The following TMEM167A variants were observed in gnomAD, a reference collection of about 807,000 sequenced individuals.
TMEM167A encodes protein kish-A.
In TMEM167A, 8 loss-of-function variants were observed where a neutral mutation model predicts 11.6. That is an observed-to-expected ratio of 0.69 (90% CI 0.40 to 1.24). The LOEUF (loss-of-function observed/expected upper bound fraction) is 1.24, where lower values mean the gene tolerates loss of function less well. Among genes scored for constraint, TMEM167A ranks in the 50% most tolerant of loss-of-function variants. The probability of loss-of-function intolerance (pLI) is 0.01; values close to 1 mark genes in which losing one functional copy is unlikely to be tolerated. For synonymous variants in TMEM167A, 22 were observed against 28.0 expected, an observed-to-expected ratio of 0.79 and a Z score of 0.67; for missense variants, 62 against 87.0, an observed-to-expected ratio of 0.71 and a Z score of 1.14.
intron 1 of TMEM167A, among the ~76,000 whole-genome samples, chr5:83,069,520 T>G (rs1024266104): frequency 2.0e-5 from 3 of 152,124 alleles, no homozygotes; most frequent in African/African-American, 7.2e-5. Flanking sequence ...TTTTCCAAGG[T>G]ACTCTATTGA....
At chr5:83,065,623 A>T (rs1744470840) in intron 1 of TMEM167A, among the ~76,000 whole-genome samples, 3 of 152,136 alleles carry the variant, frequency 2.0e-5, no homozygotes, top group Admixed American at 1.3e-4. Context: ...TAAAAAAAAA[A>T]TGTTCATTGG....
intron 2 of TMEM167A, chr5:83,064,149 G>A (rs1280603708): frequency 1.6e-5 from 7 of 444,484 alleles, no homozygotes; most frequent in African/African-American, 4.1e-5. Flanking sequence ...TCAAACAGTT[G>A]ACTGTATTAG....
intron 3 of TMEM167A, 98 bp from the exon 4 acceptor site, chr5:83,057,252 C>T: frequency 8.6e-7 from 1 of 1,161,350 alleles, no homozygotes; most frequent in Non-Finnish European, 1.3e-6. Flanking sequence ...ACATTCTTCC[C>T]TAGGAGGCCC....
At chr5:83,072,301 T>A (rs893073541) in intron 1 of TMEM167A, among the ~76,000 whole-genome samples, 1 of 152,200 alleles carries the variant, frequency 6.6e-6, no homozygotes, top group Non-Finnish European at 1.5e-5. Context: ...GCTCCATATA[T>A]GTCTTTGATA....
chr5:83,065,708 T>C (rs1434554243), intron 1 of TMEM167A, among the ~76,000 whole-genome samples: 1 of 152,096 alleles, frequency 6.6e-6, no homozygotes, highest in Non-Finnish European at 1.5e-5. Context: ...CACCAAAAAT[T>C]TGAAATCCAA....
Position 83,056,903 on chromosome 5 carries a change from C to T in TMEM167A, c.*181G>A, listed in dbSNP as rs1182520695. On this transcript the variant is annotated 3_prime_UTR_variant, in exon 4 of 4. Transcript: ENST00000502346. ...ATTGTTACAGACTATTAAATGGTTA[C>T]ATCTTAATTGTTTATACAGAACATT... 3.1e-6 allele frequency: 2 copies of T among 644,196 alleles called. No homozygotes were observed. The highest frequency in any genetic ancestry group is 5.5e-6 in the Non-Finnish European group (2 of 363,000). The allele number at this position is 644,196 out of a possible 1,614,324, so 39.9% of individuals were successfully genotyped here.
rs180705838 is a variant in TMEM167A at position 83,063,702 on chromosome 5, T to C, written c.113+1306A>G. Among the ~76,000 whole-genome samples the C allele has an allele frequency of 1.3e-3, 191 of 151,876 alleles. 3 individuals carry two copies. In the East Asian group the frequency reaches 0.022, roughly 17 times the overall value. Reference sequence around the variant, plus strand: ...GTAATACCCCAATTTTACTTACACATGCACACACACACACACACGAACCCT... The same window carrying C: ...GTAATACCCCAATTTTACTTACACACGCACACACACACACACACGAACCCT... On this transcript the variant is annotated intron_variant, in intron 2 of 3. Coordinates refer to ENST00000502346, the MANE Select transcript of TMEM167A (RefSeq NM_174909.5).
At chr5:83,075,891 T>G (rs1744643905) in intron 1 of TMEM167A, among the ~76,000 whole-genome samples, 1 of 152,212 alleles carries the variant, frequency 6.6e-6, no homozygotes, top group Non-Finnish European at 1.5e-5. Flanking sequence ...TTAGCCTTCT[T>G]GAAACCTCAC....
intron 1 of TMEM167A, among the ~76,000 whole-genome samples, chr5:83,068,092 C>T (rs971414561): frequency 6.6e-6 from 1 of 151,806 alleles, no homozygotes; most frequent in African/African-American, 2.4e-5. Context: ...TGGTATCTCA[C>T]AATGCTTATC....
chr5:83,066,484 T>G (rs1744482889), intron 1 of TMEM167A, among the ~76,000 whole-genome samples: 1 of 152,156 alleles, frequency 6.6e-6, no homozygotes, highest in Non-Finnish European at 1.5e-5. Flanking sequence ...CATAATCATA[T>G]TATCATTCAG....
intron 1 of TMEM167A, 21 bp downstream of exon 1, chr5:83,077,300 C>T: frequency 1.2e-6 from 2 of 1,614,224 alleles, no homozygotes; most frequent in Non-Finnish European, 1.7e-6. Context: ...TCAACCGCGA[C>T]CTGGGAGCCC....
At chr5:83,064,886 A>G (rs947251102) in intron 2 of TMEM167A, 122 bp downstream of exon 2, 2 of 616,368 alleles carry the variant, frequency 3.2e-6, no homozygotes, top group African/African-American at 2.0e-5. Flanking sequence ...GAAGAAAATG[A>G]AAAAAGTTAT....
At position 83,054,577 on chromosome 5, in the gene TMEM167A, T is replaced by C. The variant is rs1254226523; in HGVS notation, c.*2507A>G. The C allele has an allele frequency of 6.6e-6, 1 of 151,848 alleles. No homozygotes were observed. The highest frequency in any genetic ancestry group is 1.5e-5 in the Non-Finnish European group (1 of 67,902). The allele number at this position is 151,848 out of a possible 1,614,324, so 9.4% of individuals were successfully genotyped here. ...CTGGAGGCCATTATCCTTAGCAAACTAACACAGAACAGAAAACCAAATACA... is the reference window on the plus strand; with the variant it reads ...CTGGAGGCCATTATCCTTAGCAAACCAACACAGAACAGAAAACCAAATACA... On this transcript the variant is annotated 3_prime_UTR_variant, in exon 4 of 4. Coordinates refer to ENST00000502346, the MANE Select transcript of TMEM167A (RefSeq NM_174909.5).
At chr5:83,068,123 ATATG>A (rs3034828) in intron 1 of TMEM167A, among the ~76,000 whole-genome samples, 47,787 of 151,742 alleles carry the variant, frequency 0.31, 8,724 homozygotes, top group Non-Finnish European at 0.42. Flanking sequence ...CATATTTTGA[ATATG>A]TATGTGAATA....
rs1016996895 is a variant in TMEM167A at position 83,054,866 on chromosome 5, T to G, written c.*2218A>C. On this transcript the variant is annotated 3_prime_UTR_variant, in exon 4 of 4. Transcript: ENST00000502346. ...AAAATAAAAGGGATAGTCTATCTGA[T>G]GCTTAAATTGATCTTTAATAACCTT... is the stretch of plus-strand genomic sequence containing the variant. 2.6e-5 allele frequency: 4 copies of G among 151,990 alleles called. No individual in the cohort carries two copies. The highest frequency in any genetic ancestry group is 5.9e-5 in the Non-Finnish European group (4 of 67,932). The allele number at this position is 151,990 out of a possible 1,614,324, so 9.4% of individuals were successfully genotyped here.
intron 2 of TMEM167A, 60 bp downstream of exon 2, chr5:83,064,948 A>T (rs1744460501): frequency 1.0e-6 from 1 of 979,144 alleles, no homozygotes; most frequent in Non-Finnish European, 1.6e-6. Context: ...TTTATATGTT[A>T]ACTTACATTG....
chr5:83,075,499 C>T (rs539656177), intron 1 of TMEM167A, among the ~76,000 whole-genome samples: 22 of 152,280 alleles, frequency 1.4e-4, no homozygotes, highest in African/African-American at 5.3e-4. Context: ...GTAATCCCAG[C>T]ACTTTGGGAG....
intron 2 of TMEM167A, among the ~76,000 whole-genome samples, chr5:83,063,135 G>A (rs1744430709): frequency 6.6e-6 from 1 of 151,926 alleles, no homozygotes; most frequent in African/African-American, 2.4e-5. Flanking sequence ...TTTTACCATA[G>A]AAATAAAATG....
rs1355960640 is a variant in TMEM167A at position 83,056,887 on chromosome 5, G to T, written c.*197C>A. On this transcript the variant is annotated 3_prime_UTR_variant, in exon 4 of 4. Transcript: ENST00000502346. ...GACAGTACTGAGGTTGATTGTTACAGACTATTAAATGGTTACATCTTAATT... is the reference window on the plus strand; with the variant it reads ...GACAGTACTGAGGTTGATTGTTACATACTATTAAATGGTTACATCTTAATT... 4.9e-6 allele frequency: 3 copies of T among 614,764 alleles called. No homozygotes were observed. Among genetic ancestry groups the T allele is most frequent in the Non-Finnish European group, 8.7e-6 (3 of 346,460 alleles). The allele number at this position is 614,764 out of a possible 1,614,324, so 38.1% of individuals were successfully genotyped here.
Sources: gnomAD v4.1 joint callset for allele counts (sites outside exome capture counted in the v4.1 genomes callset) on GRCh38, gnomAD v4.1.1 for gene constraint, MANE v1.5 for transcripts, NCBI Gene and HGNC (gene_info 2026-07-23, HGNC 2026-07-21) for gene names.